The following FAM171A1 variants were observed in gnomAD, a reference collection of about 807,000 sequenced individuals.
FAM171A1 encodes protein FAM171A1.
FAM171A1 carries 23 observed loss-of-function variants against 74.9 expected under a neutral mutation model. That is an observed-to-expected ratio of 0.31 (90% CI 0.22 to 0.44). The LOEUF is 0.44. FAM171A1 is among the 20% of genes least tolerant of loss of function. The pLI is 1.00. For synonymous variants in FAM171A1, 527 were observed against 505.7 expected (o/e 1.04, Z -0.57); for missense variants, 1,162 against 1,159.2 (o/e 1.00, Z -0.03).
At chr10:15,235,453 A>G (rs1385837666) in intron 5 of FAM171A1, among the ~76,000 whole-genome samples, 1 of 151,974 alleles carries the variant, frequency 6.6e-6, no homozygotes, top group Non-Finnish European at 1.5e-5. Context: ...ATCCATGGCT[A>G]GGTGGGGCTT....
chr10:15,304,572 G>GA (rs1835271384), intron 1 of FAM171A1, among the ~76,000 whole-genome samples: 1 of 152,060 alleles, frequency 6.6e-6, no homozygotes, highest in African/African-American at 2.4e-5. Flanking sequence ...ATTCCTTCCT[G>GA]AAAAAACCTC....
chr10:15,359,027 G>A (rs979605346), intron 1 of FAM171A1, among the ~76,000 whole-genome samples: 8 of 152,116 alleles, frequency 5.3e-5, no homozygotes, highest in African/African-American at 1.9e-4. Context: ...TGATATTTAC[G>A]CTGCATGCGA....
At chr10:15,317,031 C>A (rs1835430242) in intron 1 of FAM171A1, among the ~76,000 whole-genome samples, 1 of 148,484 alleles carries the variant, frequency 6.7e-6, no homozygotes, top group Non-Finnish European at 1.5e-5. Context: ...AGCTCCCAGA[C>A]AGATCTCCTC....
At chr10:15,358,828 G>A (rs1835961580) in intron 1 of FAM171A1, among the ~76,000 whole-genome samples, 1 of 152,098 alleles carries the variant, frequency 6.6e-6, no homozygotes, top group Non-Finnish European at 1.5e-5. Context: ...TATTTACATT[G>A]GTAAAATGCT....
At chr10:15,278,087 C>T (rs1011506374) in intron 2 of FAM171A1, among the ~76,000 whole-genome samples, 2 of 152,248 alleles carry the variant, frequency 1.3e-5, no homozygotes, top group Middle Eastern at 3.4e-3. Context: ...CCATAGGGCA[C>T]CAGTGAGTTG....
chr10:15,225,570 G>A (rs1834094534), intron 5 of FAM171A1, among the ~76,000 whole-genome samples: 1 of 152,232 alleles, frequency 6.6e-6, no homozygotes, highest in African/African-American at 2.4e-5. Context: ...TGATGCCACT[G>A]TGGGATGCAG....
chr10:15,305,278 T>C (rs1446711495), intron 1 of FAM171A1, among the ~76,000 whole-genome samples: 1 of 152,132 alleles, frequency 6.6e-6, no homozygotes, highest in Non-Finnish European at 1.5e-5. Flanking sequence ...AAAATATTAA[T>C]CTGGAGAGAG....
chr10:15,331,853 A>C (rs1323886001), intron 1 of FAM171A1, among the ~76,000 whole-genome samples: 1 of 73,822 alleles, frequency 1.4e-5, no homozygotes, highest in Non-Finnish European at 3.1e-5. Context: ...GTGTATATAT[A>C]TGTGTGTATA....
intron 1 of FAM171A1, among the ~76,000 whole-genome samples, chr10:15,335,714 A>AT (rs1266253543): frequency 6.6e-6 from 1 of 152,182 alleles, no homozygotes; most frequent in Non-Finnish European, 1.5e-5. Flanking sequence ...TCCAGAACAC[A>AT]TTCTTTGTGC....
chr10:15,300,780 T>C (rs947116765), intron 1 of FAM171A1, among the ~76,000 whole-genome samples: 6 of 152,140 alleles, frequency 3.9e-5, no homozygotes, highest in Non-Finnish European at 8.8e-5. Flanking sequence ...CATAATAATC[T>C]CATGGAGCTC....
intron 1 of FAM171A1, among the ~76,000 whole-genome samples, chr10:15,287,886 C>T (rs574950277): frequency 2.0e-5 from 3 of 152,170 alleles, no homozygotes; most frequent in South Asian, 4.2e-4. Context: ...TACACTGTAC[C>T]CAATGGGTAG....
At chr10:15,331,867 ATGTGTGTG>A (rs58180755) in intron 1 of FAM171A1, among the ~76,000 whole-genome samples, 15,162 of 81,134 alleles carry the variant, frequency 0.19, 2,059 homozygotes, top group South Asian at 0.33. Flanking sequence ...GTGTATATAT[ATGTGTGTG>A]TATACATATA....
Position 15,214,400 on chromosome 10 carries a change from T to C in FAM171A1, c.1188A>G (p.Gly396=). 6.2e-7 allele frequency: 1 copy of C among 1,613,994 alleles called. No homozygotes were observed. Among genetic ancestry groups the C allele is most frequent in the East Asian group, 2.2e-5 (1 of 44,876 alleles). ...EAPGTKELMS[G]VHLEMMSPGG... Reference sequence around the variant, plus strand: ...CCGGAGACATCATTTCCAAATGGACTCCACTCATCAGTTCCTTCGTGCCGG... The same window carrying C: ...CCGGAGACATCATTTCCAAATGGACCCCACTCATCAGTTCCTTCGTGCCGG... Residue 396 remains glycine (G), a synonymous_variant, in exon 8 of 8, where the codon GGA becomes GGG. Coordinates refer to ENST00000378116, the MANE Select transcript of FAM171A1 (RefSeq NM_001010924.2).
chr10:15,231,681 C>A (rs554787773), intron 5 of FAM171A1, among the ~76,000 whole-genome samples: 1 of 152,002 alleles, frequency 6.6e-6, no homozygotes, highest in Admixed American at 6.6e-5. Flanking sequence ...GTGGCTGTAG[C>A]GGGTTCACTA....
chr10:15,298,596 G>A lies in FAM171A1; in HGVS notation c.98-14491C>T, dbSNP rs181165518. Among the ~76,000 whole-genome samples, 292 of 152,200 alleles carry A rather than the reference G, an allele frequency of 1.9e-3. 3 individuals carry two copies. The highest frequency in any genetic ancestry group is 6.8e-3 in the African/African-American group (281 of 41,540). ...TAACTGTTCGAAAGAAATAAGAATC[G>A]AAGCACCAAAACGATGCTACATATG... On this transcript the variant is annotated intron_variant, in intron 1 of 7. Coordinates refer to ENST00000378116, the MANE Select transcript of FAM171A1 (RefSeq NM_001010924.2).
In FAM171A1 at chr10:15,284,117, G is replaced by A. The variant is rs774959477; in HGVS notation, c.98-12C>T. 5.0e-5 allele frequency: 81 copies of A among 1,611,298 alleles called. No homozygotes were observed. The Middle Eastern group carries it at 1.5e-3, about 29-fold the overall frequency. On this transcript the variant is annotated splice_polypyrimidine_tract_variant and intron_variant, in intron 1 of 7. Coordinates refer to ENST00000378116, the MANE Select transcript of FAM171A1 (RefSeq NM_001010924.2). ...CTTTAACGTCACCTCTGGAGGTAGA[G>A]AAAGCACAAAGAACAGCTACTGTCA...
intron 1 of FAM171A1, among the ~76,000 whole-genome samples, chr10:15,293,379 T>C (rs1389720055): frequency 1.3e-5 from 2 of 152,140 alleles, no homozygotes; most frequent in East Asian, 1.9e-4. Flanking sequence ...AAAATATTTA[T>C]TGACCAGCTG....
At chr10:15,222,243 G>T (rs1295294417) in intron 5 of FAM171A1, among the ~76,000 whole-genome samples, 3 of 152,190 alleles carry the variant, frequency 2.0e-5, no homozygotes, top group Non-Finnish European at 4.4e-5. Flanking sequence ...AAATAGACCA[G>T]CTGTGCACCA....
Position 15,283,894 on chromosome 10 carries a change from C to T in FAM171A1, c.309G>A (p.Lys103=), listed in dbSNP as rs759480893. 2 of 1,614,204 alleles carry T rather than the reference C, an allele frequency of 1.2e-6. No homozygotes were observed. The highest frequency in any genetic ancestry group is 2.2e-5 in the South Asian group (2 of 91,088). The change falls in exon 2 of 8, where the codon AAG becomes AAA. Residue 103 remains lysine, a synonymous_variant. Transcript: ENST00000378116. The part of the protein sequence containing the change: ...HAYVPNSAPW[K]PIRLPVFSSL... Reference sequence around the variant, plus strand: ...ACGCCTTACCAGGTAACCGGATTGGCTTCCATGGGGCAGAGTTTGGCACGT... The same window carrying T: ...ACGCCTTACCAGGTAACCGGATTGGTTTCCATGGGGCAGAGTTTGGCACGT...
Sources: gnomAD v4.1 joint callset for allele counts (sites outside exome capture counted in the v4.1 genomes callset) on GRCh38, gnomAD v4.1.1 for gene constraint, MANE v1.5 for transcripts, NCBI Gene and HGNC (gene_info 2026-07-23, HGNC 2026-07-21) for gene names.